EML6: variants seen among roughly 807,000 people sequenced by gnomAD.
EML6 encodes echinoderm microtubule-associated protein-like 6.
Under a neutral mutation model 240.1 loss-of-function variants are expected in EML6, and 154 were observed. That is an observed-to-expected ratio of 0.64 (90% CI 0.56 to 0.73). The LOEUF (loss-of-function observed/expected upper bound fraction) is 0.73. Ranked by LOEUF, EML6 falls within the 30% of genes least tolerant of loss-of-function variation. The pLI, the probability that EML6 is intolerant of heterozygous loss-of-function variation, is 0.00. For synonymous variants in EML6, 1,148 were observed against 899.0 expected (o/e 1.28, Z -4.95); for missense variants, 2,964 against 2,474.6 (o/e 1.20, Z -4.20).
chr2:54,917,724 A>G (rs1674001593), intron 26 of EML6, among the ~76,000 whole-genome samples: 1 of 152,066 alleles, frequency 6.6e-6, no homozygotes, highest in Non-Finnish European at 1.5e-5. Flanking sequence ...TTCCTCTAAC[A>G]GCCGTCATCT....
rs1203755512 is a variant in EML6, at chr2:54,944,163, C to A, written c.4005-4719C>A. 2.6e-5 allele frequency among the ~76,000 whole-genome samples: 4 copies of A among 152,114 alleles called. No individual in the cohort carries two copies. The East Asian group carries it at 7.7e-4, about 29-fold the overall frequency. Reference sequence around the variant, plus strand: ...ATATCCCACCCATTGGCTAGTGATTCCCAGGGTCATGTCACTGACTCCCAT... The same window carrying A: ...ATATCCCACCCATTGGCTAGTGATTACCAGGGTCATGTCACTGACTCCCAT... On this transcript the variant is annotated intron_variant, in intron 28 of 41. Coordinates refer to ENST00000356458, the MANE Select transcript of EML6 (RefSeq NM_001039753.4).
intron 39 of EML6, 120 bp downstream of exon 39, chr2:54,967,223 CT>C: frequency 1.5e-6 from 1 of 665,744 alleles, no homozygotes; most frequent in East Asian, 2.9e-5. Flanking sequence ...GCTGTCTTTT[CT>C]TTTGGGGGTG....
intron 11 of EML6, among the ~76,000 whole-genome samples, chr2:54,855,458 G>GCCCCCCCCC (rs11297060): frequency 4.0e-5 from 5 of 124,104 alleles, no homozygotes; most frequent in East Asian, 2.4e-4. Context: ...CTTCTACCAT[G>GCCCCCCCCC]CCCCCCCCCC....
chr2:54,766,232 G>A (rs1210655210), intron 2 of EML6, among the ~76,000 whole-genome samples: 1 of 152,198 alleles, frequency 6.6e-6, no homozygotes, highest in Non-Finnish European at 1.5e-5. Flanking sequence ...AATAGCTGAT[G>A]TATAGATCTG....
At chr2:54,941,761 C>G (rs578139992) in intron 28 of EML6, among the ~76,000 whole-genome samples, 5 of 152,226 alleles carry the variant, frequency 3.3e-5, no homozygotes, top group African/African-American at 1.2e-4. Flanking sequence ...TGATGGCACA[C>G]GCGTAGTGCA....
chr2:54,873,466 C>T (rs1221790593), intron 16 of EML6, among the ~76,000 whole-genome samples: 1 of 152,278 alleles, frequency 6.6e-6, no homozygotes, highest in East Asian at 1.9e-4. Flanking sequence ...GTCCAAACTC[C>T]CGGAAGTGTG....
rs1677054691 is a variant in EML6, at chr2:54,972,016, T to C, written c.*1921T>C. On this transcript the variant is annotated 3_prime_UTR_variant, in exon 42 of 42. Coordinates refer to ENST00000356458, the MANE Select transcript of EML6 (RefSeq NM_001039753.4). ...TTATGTGTCAAATAAAATTTGATTA[T>C]GTAAACACATTTGTTGACTTTTGTT... The C allele has an allele frequency of 6.6e-6, 1 of 151,640 alleles. No individual in the cohort carries two copies. Among genetic ancestry groups the C allele is most frequent in the South Asian group, 2.1e-4 (1 of 4,690 alleles). 9.4% of individuals were successfully genotyped at this position (151,640 alleles called of 1,614,324 possible).
At chr2:54,915,230 C>T (rs1031816708) in intron 25 of EML6, among the ~76,000 whole-genome samples, 1 of 152,190 alleles carries the variant, frequency 6.6e-6, no homozygotes, top group African/African-American at 2.4e-5. Flanking sequence ...GAACACGGTG[C>T]CCTGATCTGG....
At chr2:54,825,660 G>A (rs997630148) in intron 5 of EML6, among the ~76,000 whole-genome samples, 11 of 152,122 alleles carry the variant, frequency 7.2e-5, no homozygotes, top group Non-Finnish European at 1.0e-4. Context: ...AAGAGAATCC[G>A]ATTTGGTCCT....
At chr2:54,812,148 C>G (rs554498800) in intron 2 of EML6, among the ~76,000 whole-genome samples, 2 of 152,182 alleles carry the variant, frequency 1.3e-5, no homozygotes, top group African/African-American at 2.4e-5. Flanking sequence ...CTGCTAAGTA[C>G]TCTAGATTGA....
intron 2 of EML6, among the ~76,000 whole-genome samples, chr2:54,789,473 C>T (rs1290679041): frequency 7.6e-6 from 1 of 131,336 alleles, no homozygotes; most frequent in Non-Finnish European, 1.6e-5. Context: ...GAGATTACGC[C>T]ACTGCACTCC....
intron 24 of EML6, among the ~76,000 whole-genome samples, chr2:54,909,775 C>T (rs1165641002): frequency 6.9e-6 from 1 of 143,892 alleles, no homozygotes; most frequent in Non-Finnish European, 1.5e-5. Context: ...ACTTGAGAGG[C>T]AGAGGTTGCA....
chr2:54,852,333 C>T (rs1163504647), intron 10 of EML6, among the ~76,000 whole-genome samples: 1 of 152,100 alleles, frequency 6.6e-6, no homozygotes, highest in Non-Finnish European at 1.5e-5. Flanking sequence ...TTCAGTGTAC[C>T]ATTGCAGAAA....
At chr2:54,795,688 C>T (rs543360210) in intron 2 of EML6, among the ~76,000 whole-genome samples, 49 of 152,274 alleles carry the variant, frequency 3.2e-4, no homozygotes, top group African/African-American at 1.1e-3. Flanking sequence ...TGCGCTGCCC[C>T]GATGGTGCTC....
At chr2:54,815,301 T>A (rs1009340480) in intron 3 of EML6, among the ~76,000 whole-genome samples, 1 of 152,196 alleles carries the variant, frequency 6.6e-6, no homozygotes, top group African/African-American at 2.4e-5. Context: ...TTAGCCATGG[T>A]GGATTTCCTG....
rs1053197951 is a variant in EML6 at position 54,847,534 on chromosome 2, A to C, written c.1098A>C (p.Glu366Asp). 9.7e-6 allele frequency: 15 copies of C among 1,552,024 alleles called. No individual in the cohort carries two copies. Among genetic ancestry groups the C allele is most frequent in the African/African-American group, 2.7e-5 (2 of 73,028 alleles). The change falls in exon 9 of 42, where the codon GAA becomes GAC. Residue 366 changes from glutamate to aspartate, a missense_variant. By Grantham distance (45) the Glu-to-Asp change is conservative. Transcript: ENST00000356458. ...CCTTGATCGCCCGCTGTAACATGGA[A>C]GAGGCGGTTCGCAGTGTAGCTTTCA... is the stretch of plus-strand genomic sequence containing the variant. ...DHALIARCNM[E>D]EAVRSVAFSP...
chr2:54,776,046 T>C (rs1408584428), intron 2 of EML6, among the ~76,000 whole-genome samples: 2 of 152,206 alleles, frequency 1.3e-5, no homozygotes, highest in Non-Finnish European at 2.9e-5. Flanking sequence ...AGCTTTATGA[T>C]GTCTTTATCT....
chr2:54,862,084 C>A (rs1178648280), intron 12 of EML6, among the ~76,000 whole-genome samples: 1 of 151,784 alleles, frequency 6.6e-6, no homozygotes, highest in Non-Finnish European at 1.5e-5. Context: ...GACTGTAATC[C>A]CAGCACTTTG....
rs1676679737 is a variant in EML6, at chr2:54,964,859, TTAAG to T, written c.5493+129_5493+132del. ...CTAACTCACTCTTCACCAGAACTCCTTAAGTAGTTACTTTTTCCATATTTTATAA... is the reference window on the plus strand; with the variant it reads ...CTAACTCACTCTTCACCAGAACTCCTTAGTTACTTTTTCCATATTTTATAA... On this transcript the variant is annotated intron_variant, in intron 38 of 41. Coordinates refer to ENST00000356458, the MANE Select transcript of EML6 (RefSeq NM_001039753.4). The T allele has an allele frequency of 2.6e-5, 20 of 774,834 alleles. 1 individual carries two copies. The South Asian group carries it at 4.1e-4, about 16-fold the overall frequency. The allele number at this position is 774,834 out of a possible 1,614,324, so 48.0% of individuals were successfully genotyped here.
Sources: allele counts gnomAD v4.1 joint callset (sites outside exome capture counted in the v4.1 genomes callset), GRCh38; gene constraint gnomAD v4.1.1; transcripts MANE v1.5; gene names NCBI Gene and HGNC (gene_info 2026-07-23, HGNC 2026-07-21).